The following DHX36 variants were observed in gnomAD, a reference collection of about 807,000 sequenced individuals.
The protein encoded by DHX36 is DEAH-box helicase 36, also known as ATP-dependent DNA/RNA helicase DHX36.
In DHX36, 50 loss-of-function variants were observed where a neutral mutation model predicts 139.0. The observed-to-expected ratio is 0.36, with a 90% CI of 0.29 to 0.46. The LOEUF (loss-of-function observed/expected upper bound fraction) is 0.46. Ranked by LOEUF, DHX36 falls within the 20% of genes least tolerant of loss-of-function variation. The pLI is 1.00. For missense variants in DHX36, 1,024 were observed against 1,211.3 expected, an observed-to-expected ratio of 0.85 and a Z score of 2.29; for synonymous variants, 425 against 401.9, an observed-to-expected ratio of 1.06 and a Z score of -0.69.
At chr3:154,283,417 A>C (rs1457647747) in intron 19 of DHX36, 146 bp from the exon 20 acceptor site, 27 of 608,154 alleles carry the variant, frequency 4.4e-5, no homozygotes, top group Non-Finnish European at 6.4e-5. Flanking sequence ...ATAACTGATA[A>C]AACTAAAAAC....
At position 154,288,776 on chromosome 3, in the gene DHX36, T is replaced by C. The variant is rs186773013; in HGVS notation, c.2031+90A>G. On this transcript the variant is annotated intron_variant, in intron 17 of 24. Coordinates refer to ENST00000496811, the MANE Select transcript of DHX36 (RefSeq NM_020865.3). ...TGGCATTGGACATTATTGGTCTACT[T>C]TGCAGTAATGAGAGTAAACATTATA... The C allele has an allele frequency of 1.3e-4, 80 of 638,948 alleles. No homozygotes were observed. The East Asian group carries it at 2.2e-3, about 17-fold the overall frequency. 39.6% of individuals were successfully genotyped at this position (638,948 alleles called of 1,614,324 possible). A position where few individuals can be genotyped will look rare whatever the true frequency, so the allele number is the denominator to read the frequency against.
chr3:154,319,291 G>T (rs1376837134), intron 1 of DHX36: 1 of 151,954 alleles, frequency 6.6e-6, no homozygotes, highest in Non-Finnish European at 1.5e-5. Context: ...CTAGTTTTCA[G>T]TTCCTGGCAA....
rs1201852607 is a variant in DHX36, at chr3:154,277,655, C to T, written c.2631G>A (p.Glu877=). Residue 877 remains glutamate (E), a synonymous_variant, in exon 23 of 25, where the codon GAG becomes GAA. Coordinates refer to ENST00000496811, the MANE Select transcript of DHX36 (RefSeq NM_020865.3). ...GCCAGTTGTAGTGAAAGTCTGTTTG[C>T]TCCACATTAACAGATTTAGGATGAA... ...VAVHPKSVNV[E]QTDFHYNWLI... The T allele has an allele frequency of 2.3e-5, 37 of 1,612,318 alleles. No homozygotes were observed. The highest frequency in any genetic ancestry group is 3.1e-5 in the Non-Finnish European group (36 of 1,178,944).
Position 154,309,808 on chromosome 3 carries a change from T to C in DHX36, c.658A>G (p.Ile220Val), listed in dbSNP as rs775242605. The change falls in exon 5 of 25, where the codon ATT becomes GTT. Residue 220 changes from isoleucine (I) to valine (V), a missense_variant. By Grantham distance (29) the Ile-to-Val change is conservative. Coordinates refer to ENST00000496811, the MANE Select transcript of DHX36 (RefSeq NM_020865.3). ...ATTACTGTTACCTGATGGTTATCAA[T>C]TAAATTTACCAATTCCTATTTCAAA... ...YGMQKELVNLIDNHQVTVISG... is the reference protein window; with the variant it reads ...YGMQKELVNLVDNHQVTVISG... 4 of 1,599,870 alleles carry C rather than the reference T, an allele frequency of 2.5e-6. No homozygotes were observed. The East Asian group carries it at 6.7e-5, about 27-fold the overall frequency.
chr3:154,291,100 A>G (rs1382456980), intron 15 of DHX36, among the ~76,000 whole-genome samples: 1 of 124,642 alleles, frequency 8.0e-6, no homozygotes, highest in Non-Finnish European at 1.6e-5. Context: ...CCGCCACTGC[A>G]CTCCAGCCTG....
intron 15 of DHX36, among the ~76,000 whole-genome samples, chr3:154,290,189 T>C (rs1012360897): frequency 6.6e-6 from 1 of 152,204 alleles, no homozygotes; most frequent in Non-Finnish European, 1.5e-5. Context: ...AATCTTATTA[T>C]GTAATGAATC....
At chr3:154,282,442 C>A (rs938084695) in intron 20 of DHX36, among the ~76,000 whole-genome samples, 1 of 152,010 alleles carries the variant, frequency 6.6e-6, no homozygotes, top group Non-Finnish European at 1.5e-5. Context: ...TATTTTCTAA[C>A]CTATGTTTTG....
chr3:154,288,147 CAAAAAAAAAAAA>C (rs34632439), intron 17 of DHX36, among the ~76,000 whole-genome samples: 3 of 53,368 alleles, frequency 5.6e-5, no homozygotes, highest in South Asian at 1.0e-3. Flanking sequence ...GACTCTGTCT[CAAAAAAAAAAAA>C]AAAAAAAAAA....
intron 3 of DHX36, chr3:154,311,970 C>A: frequency 4.1e-6 from 1 of 245,962 alleles, no homozygotes; most frequent in Non-Finnish European, 7.7e-6. Flanking sequence ...AAATTACTTT[C>A]ACTATTTTTC....
chr3:154,322,583 A>G (rs1713234556), intron 1 of DHX36, among the ~76,000 whole-genome samples: 1 of 152,252 alleles, frequency 6.6e-6, no homozygotes, highest in African/African-American at 2.4e-5. Flanking sequence ...AAGTGAATAA[A>G]TGGTCGTGTC....
At chr3:154,307,408 AAAC>A (rs975821635) in intron 5 of DHX36, among the ~76,000 whole-genome samples, 23 of 152,170 alleles carry the variant, frequency 1.5e-4, no homozygotes, top group African/African-American at 5.5e-4. Flanking sequence ...CAAGAAACTC[AAAC>A]AACAACAATA....
rs567879746 is a variant in DHX36 at position 154,300,010 on chromosome 3, A to G, written c.1462-85T>C. The G allele has an allele frequency of 2.8e-5, 24 of 851,810 alleles. No homozygotes were observed. In the South Asian group the frequency reaches 3.2e-4, roughly 12 times the overall value. The allele number at this position is 851,810 out of a possible 1,614,324, so 52.8% of individuals were successfully genotyped here. On this transcript the variant is annotated intron_variant, in intron 11 of 24. Transcript: ENST00000496811. ...AAATTGTGTGCACACTGAAGTCTCC[A>G]TTAAAATTATACTAGCTCAGGATAA...
At position 154,292,602 on chromosome 3, in the gene DHX36, G is replaced by A. The variant is rs1469002134; in HGVS notation, c.1763C>T (p.Ala588Val). ...DTQNNISTMSAEWVSKANAKQ... is the reference protein window; with the variant it reads ...DTQNNISTMSVEWVSKANAKQ... ...GGCATTAGCTTTACTAACCCACTCA[G>A]CGGACATTGTACTGATATTGTTCTG... is the stretch of plus-strand genomic sequence containing the variant. The change falls in exon 15 of 25, where the codon GCT becomes GTT. Residue 588 changes from alanine to valine, a missense_variant. Coordinates refer to ENST00000496811, the MANE Select transcript of DHX36 (RefSeq NM_020865.3). 1 of 1,613,926 alleles carries A rather than the reference G, an allele frequency of 6.2e-7. No homozygotes were observed.
chr3:154,299,718 C>T (rs1712191252), intron 12 of DHX36, 120 bp downstream of exon 12: 1 of 754,464 alleles, frequency 1.3e-6, no homozygotes, highest in African/African-American at 1.7e-5. Flanking sequence ...AAATAAAAAG[C>T]TTCACCTTCA....
chr3:154,310,499 T>C (rs910890678), intron 4 of DHX36, among the ~76,000 whole-genome samples: 4 of 151,616 alleles, frequency 2.6e-5, no homozygotes, highest in Non-Finnish European at 5.9e-5. Flanking sequence ...ATTCCCCACT[T>C]AGGCCGGGCA....
chr3:154,324,442 G>C lies in DHX36; in HGVS notation c.-26C>G. 2 of 1,458,568 alleles carry C rather than the reference G, an allele frequency of 1.4e-6. No homozygotes were observed. The highest frequency in any genetic ancestry group is 1.8e-6 in the Non-Finnish European group (2 of 1,107,924). 90.4% of individuals were successfully genotyped at this position (1,458,568 alleles called of 1,614,324 possible). A position where few individuals can be genotyped will look rare whatever the true frequency, so the allele number is the denominator to read the frequency against. Reference sequence around the variant, plus strand: ...TGTCCTGGCAGACTACAACCCGTCAGAACCAGCAACCGCTGGAAATGGCGT... The same window carrying C: ...TGTCCTGGCAGACTACAACCCGTCACAACCAGCAACCGCTGGAAATGGCGT... On this transcript the variant is annotated 5_prime_UTR_variant, in exon 1 of 25. Transcript: ENST00000496811.
Position 154,273,689 on chromosome 3 carries a change from G to C in DHX36, c.*2482C>G, listed in dbSNP as rs1442072017. 6.6e-6 allele frequency: 1 copy of C among 152,168 alleles called. No individual in the cohort carries two copies. The highest frequency in any genetic ancestry group is 1.5e-5 in the Non-Finnish European group (1 of 68,036). 9.4% of individuals were successfully genotyped at this position (152,168 alleles called of 1,614,324 possible). On this transcript the variant is annotated 3_prime_UTR_variant, in exon 25 of 25. Transcript: ENST00000496811. ...AAGATAAAGGATTTGAGACATAACA[G>C]GTAACACACATTCCCAGGATTGGGA... is the stretch of plus-strand genomic sequence containing the variant.
intron 13 of DHX36, among the ~76,000 whole-genome samples, chr3:154,294,638 A>G (rs987999856): frequency 2.0e-5 from 3 of 152,162 alleles, no homozygotes; most frequent in African/African-American, 7.2e-5. Flanking sequence ...ACCAGCAACA[A>G]AAATATTAAA....
intron 6 of DHX36, 84 bp downstream of exon 6, chr3:154,306,132 T>C: frequency 1.9e-6 from 2 of 1,028,272 alleles, no homozygotes; most frequent in East Asian, 2.4e-5. Flanking sequence ...ATCATAAAAA[T>C]GGGGAAAATA....
Sources: allele counts gnomAD v4.1 joint callset (sites outside exome capture counted in the v4.1 genomes callset), GRCh38; gene constraint gnomAD v4.1.1; transcripts MANE v1.5; gene names NCBI Gene and HGNC (gene_info 2026-07-23, HGNC 2026-07-21).